Variants in SOX5 observed in about 807,000 individuals in gnomAD.
SOX5 encodes transcription factor SOX-5.
In SOX5, 9 loss-of-function variants were observed where a neutral mutation model predicts 92.0. The observed-to-expected ratio is 0.10, with a 90% CI of 0.06 to 0.17. The LOEUF (loss-of-function observed/expected upper bound fraction) is 0.17. Ranked by LOEUF, SOX5 falls within the 10% of genes least tolerant of loss-of-function variation. The pLI is 1.00. For missense variants in SOX5, 642 were observed against 944.5 expected (o/e 0.68, Z 4.20); for synonymous variants, 344 against 336.3 (o/e 1.02, Z -0.25).
intron 10 of SOX5, among the ~76,000 whole-genome samples, chr12:23,567,054 T>C (rs1284878280): frequency 6.6e-6 from 1 of 152,224 alleles, no homozygotes; most frequent in Non-Finnish European, 1.5e-5. Flanking sequence ...CTTTACACTT[T>C]CATTTTCCCT....
chr12:24,077,894 C>T (rs1392772680), intron 4 of SOX5, among the ~76,000 whole-genome samples: 1 of 149,062 alleles, frequency 6.7e-6, no homozygotes, highest in Admixed American at 6.7e-5. Context: ...CTGAATGTTA[C>T]ATTAAATACA....
intron 4 of SOX5, among the ~76,000 whole-genome samples, chr12:24,050,672 T>C (rs1957476547): frequency 6.6e-6 from 1 of 152,212 alleles, no homozygotes; most frequent in Admixed American, 6.5e-5. Context: ...TTTAAAGTTA[T>C]GTATGCATGC....
intron 8 of SOX5, among the ~76,000 whole-genome samples, chr12:23,626,548 T>G (rs2077812723): frequency 1.3e-5 from 2 of 152,200 alleles, no homozygotes; most frequent in Non-Finnish European, 2.9e-5. Flanking sequence ...TGCCTCATTA[T>G]TCTTCTCCCA....
chr12:23,558,792 G>A (rs1034925586), intron 11 of SOX5, among the ~76,000 whole-genome samples: 2 of 152,058 alleles, frequency 1.3e-5, no homozygotes, highest in East Asian at 1.9e-4. Flanking sequence ...TAGTAGAGAC[G>A]GGGTTTCTCC....
chr12:24,296,767 A>G (rs1947295177), intron 2 of SOX5, among the ~76,000 whole-genome samples: 1 of 150,854 alleles, frequency 6.6e-6, no homozygotes, highest in Non-Finnish European at 1.5e-5. Context: ...AGGCATTATC[A>G]CTTCACAGTT....
intron 1 of SOX5, among the ~76,000 whole-genome samples, chr12:23,913,065 A>C (rs1387025553): frequency 1.3e-5 from 2 of 152,218 alleles, no homozygotes; most frequent in Non-Finnish European, 2.9e-5. Context: ...CTACTGATAG[A>C]AACTAGCTCA....
At chr12:24,006,412 C>T (rs977022420) in intron 4 of SOX5, among the ~76,000 whole-genome samples, 31 of 152,058 alleles carry the variant, frequency 2.0e-4, no homozygotes, top group African/African-American at 7.0e-4. Flanking sequence ...TATCATGGTC[C>T]CCTTATTTAC....
At chr12:24,385,524 GAAAT>G (rs1958291454) in intron 1 of SOX5, among the ~76,000 whole-genome samples, 1 of 152,142 alleles carries the variant, frequency 6.6e-6, no homozygotes, top group Non-Finnish European at 1.5e-5. Flanking sequence ...ATAATCCAGA[GAAAT>G]AAATGTTAGC....
intron 4 of SOX5, among the ~76,000 whole-genome samples, chr12:24,109,062 C>A (rs1483499039): frequency 6.6e-6 from 1 of 152,078 alleles, no homozygotes; most frequent in East Asian, 1.9e-4. Context: ...AACCTGCAGA[C>A]CTAATGTTTT....
rs1183382029 is a variant in SOX5 at position 23,770,186 on chromosome 12, C to T, written c.482-14462G>A. ...CTCTTTCTTCCTCCCCTATCCGTGG[C>T]AGAAACTCACCTCTTCCCTCCTGCC... On this transcript the variant is annotated intron_variant, in intron 3 of 14. Coordinates refer to ENST00000451604, the MANE Select transcript of SOX5 (RefSeq NM_006940.6). 3.3e-5 allele frequency among the ~76,000 whole-genome samples: 5 copies of T among 151,796 alleles called. No individual in the cohort carries two copies. In the South Asian group the frequency reaches 1.0e-3, roughly 32 times the overall value.
chr12:24,387,644 A>T (rs1958565304), intron 1 of SOX5, among the ~76,000 whole-genome samples: 1 of 152,204 alleles, frequency 6.6e-6, no homozygotes, highest in Non-Finnish European at 1.5e-5. Context: ...TTCATGAAAG[A>T]TGACGATAAT....
chr12:23,785,415 G>A lies in SOX5; in HGVS notation c.482-29691C>T, dbSNP rs558646344. Among the ~76,000 whole-genome samples, 31 of 152,074 alleles carry A rather than the reference G, an allele frequency of 2.0e-4. No individual in the cohort carries two copies. The South Asian group carries it at 3.5e-3, about 17-fold the overall frequency. On this transcript the variant is annotated intron_variant, in intron 3 of 14. Transcript: ENST00000451604. Reference sequence around the variant, plus strand: ...TTAAACCAAACATTGATTTATTTGTGGGGAAAAGAAACAAGCGGTGGAATG... The same window carrying A: ...TTAAACCAAACATTGATTTATTTGTAGGGAAAAGAAACAAGCGGTGGAATG...
At chr12:23,882,519 T>C (rs2097006345) in intron 2 of SOX5, among the ~76,000 whole-genome samples, 1 of 152,152 alleles carries the variant, frequency 6.6e-6, no homozygotes, top group Non-Finnish European at 1.5e-5. Flanking sequence ...TATTGTGTTA[T>C]TGTGTTGATA....
chr12:24,104,174 T>C (rs1433557643), intron 4 of SOX5, among the ~76,000 whole-genome samples: 1 of 152,206 alleles, frequency 6.6e-6, no homozygotes, highest in Non-Finnish European at 1.5e-5. Flanking sequence ...GTTTATGGAA[T>C]GTATGTCAAT....
intron 4 of SOX5, among the ~76,000 whole-genome samples, chr12:24,102,992 T>G (rs1263901358): frequency 6.6e-6 from 1 of 152,098 alleles, no homozygotes; most frequent in Non-Finnish European, 1.5e-5. Flanking sequence ...GGTGGTAAAA[T>G]GAAATCCCTG....
chr12:23,762,467 C>T (rs1035698050), intron 3 of SOX5: 9 of 419,800 alleles, frequency 2.1e-5, no homozygotes, highest in African/African-American at 1.6e-4. Flanking sequence ...ACAAGAAACT[C>T]CATAGCATTA....
rs748707522 is a variant in SOX5 at position 24,047,077 on chromosome 12, G to A, written c.-1-151053C>T. 5.9e-5 allele frequency among the ~76,000 whole-genome samples: 9 copies of A among 152,078 alleles called. No homozygotes were observed. The East Asian group carries it at 7.7e-4, about 13-fold the overall frequency. ...TTATTTTTTCCCCCTTTGGAGGTACGAATAACACTTTCTTGGTTTTTCAGA... is the reference window on the plus strand; with the variant it reads ...TTATTTTTTCCCCCTTTGGAGGTACAAATAACACTTTCTTGGTTTTTCAGA... On this transcript the variant is annotated intron_variant, in intron 4 of 4. Coordinates refer to the SOX5 transcript ENST00000446891.
Position 23,530,190 on chromosome 12 carries a change from T to G in SOX5, c.*4029A>C, listed in dbSNP as rs1938668582. On this transcript the variant is annotated 3_prime_UTR_variant, in exon 15 of 15. Coordinates refer to ENST00000451604, the MANE Select transcript of SOX5 (RefSeq NM_006940.6). ...CCGTAAGTTTTATTTTATTATTAAT[T>G]TGATAGACAAATACCTTATAAACCT... is the stretch of plus-strand genomic sequence containing the variant. 1.3e-5 allele frequency: 2 copies of G among 152,236 alleles called. No individual in the cohort carries two copies. Among genetic ancestry groups the G allele is most frequent in the African/African-American group, 4.8e-5 (2 of 41,468 alleles). The allele number at this position is 152,236 out of a possible 1,614,324, so 9.4% of individuals were successfully genotyped here.
At chr12:24,235,229 G>T (rs952911423) in intron 3 of SOX5, among the ~76,000 whole-genome samples, 3 of 152,126 alleles carry the variant, frequency 2.0e-5, no homozygotes, top group Non-Finnish European at 4.4e-5. Context: ...GATGACATTA[G>T]AGCTATCTTA....
Sources: allele counts gnomAD v4.1 joint callset (sites outside exome capture counted in the v4.1 genomes callset), GRCh38; gene constraint gnomAD v4.1.1; transcripts MANE v1.5; gene names NCBI Gene and HGNC (gene_info 2026-07-23, HGNC 2026-07-21).